The following CDYL2 variants were observed in gnomAD, a reference collection of about 807,000 sequenced individuals.
CDYL2 encodes the protein chromodomain Y like 2.
CDYL2 carries 23 observed loss-of-function variants against 49.4 expected under a neutral mutation model. That is an observed-to-expected ratio of 0.47 (90% CI 0.34 to 0.66). The LOEUF (loss-of-function observed/expected upper bound fraction) is 0.66. Ranked by LOEUF, CDYL2 falls within the 30% of genes least tolerant of loss-of-function variation. The pLI, the probability that CDYL2 is intolerant of heterozygous loss-of-function variation, is 0.01. For missense variants in CDYL2, 678 were observed against 656.4 expected (o/e 1.03, Z -0.36); for synonymous variants, 360 against 268.8 (o/e 1.34, Z -3.32).
chr16:80,623,492 T>G lies in CDYL2; in HGVS notation c.835-2557A>C, dbSNP rs551278461. On this transcript the variant is annotated intron_variant, in intron 3 of 6. Transcript: ENST00000570137. ...CACTTTCAAACCTCACTACTCAAAG[T>G]ATGGTCCTTAGACCAGCAGCTTCAC... Among the ~76,000 whole-genome samples the G allele has an allele frequency of 2.6e-5, 4 of 152,232 alleles. No individual in the cohort carries two copies. In the South Asian group the frequency reaches 8.3e-4, roughly 32 times the overall value.
intron 1 of CDYL2, among the ~76,000 whole-genome samples, chr16:80,743,458 G>A (rs974436055): frequency 6.7e-6 from 1 of 150,126 alleles, no homozygotes; most frequent in Non-Finnish European, 1.5e-5. Flanking sequence ...TGATTCATCA[G>A]CTCTAACAGA....
intron 3 of CDYL2, among the ~76,000 whole-genome samples, chr16:80,629,060 A>G (rs1331316186): frequency 2.0e-5 from 3 of 152,198 alleles, no homozygotes; most frequent in Non-Finnish European, 4.4e-5. Flanking sequence ...GAGGTACAGG[A>G]GGACAGGTAT....
intron 1 of CDYL2, among the ~76,000 whole-genome samples, chr16:80,742,545 G>A (rs1905778295): frequency 1.3e-5 from 2 of 150,174 alleles, no homozygotes; most frequent in South Asian, 2.1e-4. Context: ...TGAAAGAGTA[G>A]GTGGGTTGGG....
intron 1 of CDYL2, among the ~76,000 whole-genome samples, chr16:80,751,066 C>G (rs1313901752): frequency 6.6e-6 from 1 of 152,104 alleles, no homozygotes; most frequent in South Asian, 2.1e-4. Context: ...GTAAAAGCTG[C>G]TCAACTCATT....
At position 80,616,599 on chromosome 16, in the gene CDYL2, G is replaced by A. The variant is rs73590434; in HGVS notation, c.1008-3763C>T. Reference sequence around the variant, plus strand: ...AGCTCAGAGCCAAGTCAGCCAGTACGGGACCAAACAGTGACCACCATCCTG... The same window carrying A: ...AGCTCAGAGCCAAGTCAGCCAGTACAGGACCAAACAGTGACCACCATCCTG... On this transcript the variant is annotated intron_variant, in intron 4 of 6. Coordinates refer to ENST00000570137, the MANE Select transcript of CDYL2 (RefSeq NM_152342.4). Among the ~76,000 whole-genome samples, 622 of 152,256 alleles carry A rather than the reference G, an allele frequency of 4.1e-3. 3 individuals are homozygous for A. The highest frequency in any genetic ancestry group is 0.015 in the African/African-American group (608 of 41,536).
intron 1 of CDYL2, among the ~76,000 whole-genome samples, chr16:80,722,066 T>C (rs1905016886): frequency 1.3e-5 from 2 of 152,082 alleles, no homozygotes; most frequent in South Asian, 4.2e-4. Flanking sequence ...TATAAACAAA[T>C]TAAAATAAAA....
At chr16:80,771,479 G>A (rs1046877756) in intron 1 of CDYL2, among the ~76,000 whole-genome samples, 7 of 152,230 alleles carry the variant, frequency 4.6e-5, no homozygotes, top group Non-Finnish European at 7.3e-5. Flanking sequence ...CGAGGTAGGC[G>A]GATCACTTGT....
At chr16:80,682,500 T>C (rs369423304) in intron 2 of CDYL2, among the ~76,000 whole-genome samples, 58 of 152,168 alleles carry the variant, frequency 3.8e-4, no homozygotes, top group Admixed American at 2.1e-3. Context: ...CCGCAGAAGA[T>C]TGCACAGCAC....
intron 2 of CDYL2, among the ~76,000 whole-genome samples, chr16:80,663,309 G>A (rs1319829572): frequency 6.6e-6 from 1 of 151,350 alleles, no homozygotes; most frequent in Non-Finnish European, 1.5e-5. Flanking sequence ...TTAAATAAAA[G>A]AGAAGACTCA....
At chr16:80,619,335 C>T (rs1464920217) in intron 4 of CDYL2, among the ~76,000 whole-genome samples, 11 of 152,192 alleles carry the variant, frequency 7.2e-5, no homozygotes, top group African/African-American at 1.9e-4. Flanking sequence ...TTGGGGGCCA[C>T]ACTTCAACTC....
intron 6 of CDYL2, 68 bp downstream of exon 6, chr16:80,608,024 C>A (rs896136445): frequency 3.9e-5 from 58 of 1,479,928 alleles, no homozygotes; most frequent in South Asian, 8.1e-5. Flanking sequence ...GCCCTCTGAG[C>A]CTTGCTGTCT....
At chr16:80,788,448 C>T (rs928960393) in intron 1 of CDYL2, among the ~76,000 whole-genome samples, 3 of 152,230 alleles carry the variant, frequency 2.0e-5, no homozygotes, top group African/African-American at 7.2e-5. Context: ...ACAACAGACA[C>T]CTGTTTTTGT....
At chr16:80,800,937 TAAG>T (rs781747010) in intron 1 of CDYL2, among the ~76,000 whole-genome samples, 5 of 152,192 alleles carry the variant, frequency 3.3e-5, no homozygotes, top group Admixed American at 3.3e-4. Flanking sequence ...GTGAATGATT[TAAG>T]AAGAATGGGT....
At chr16:80,792,218 G>C (rs1907632144) in intron 1 of CDYL2, among the ~76,000 whole-genome samples, 1 of 152,134 alleles carries the variant, frequency 6.6e-6, no homozygotes, top group African/African-American at 2.4e-5. Flanking sequence ...CCAGGCAAAT[G>C]TCCAAGACTT....
At chr16:80,783,939 A>G (rs75375667) in intron 1 of CDYL2, among the ~76,000 whole-genome samples, 16,928 of 152,270 alleles carry the variant, frequency 0.11, 1,046 homozygotes, top group African/African-American at 0.17. Flanking sequence ...GGTTTCCGCT[A>G]CATAAAAAAT....
chr16:80,667,784 T>C (rs1029472956), intron 2 of CDYL2, among the ~76,000 whole-genome samples: 2 of 152,214 alleles, frequency 1.3e-5, no homozygotes, highest in East Asian at 1.9e-4. Context: ...CCAGCGAATA[T>C]GTTAAGGGCT....
At chr16:80,800,926 A>G (rs1907906963) in intron 1 of CDYL2, among the ~76,000 whole-genome samples, 1 of 152,234 alleles carries the variant, frequency 6.6e-6, no homozygotes, top group South Asian at 2.1e-4. Context: ...ACTGGAGCCC[A>G]GTGAATGATT....
At chr16:80,712,038 TATGTGTGTATATAG>T (rs1234885352) in intron 1 of CDYL2, among the ~76,000 whole-genome samples, 42 of 144,070 alleles carry the variant, frequency 2.9e-4, no homozygotes, top group East Asian at 7.8e-4. Flanking sequence ...TGTGTATATA[TATGTGTGTATATAG>T]ATGTGTGTGT....
Position 80,603,688 on chromosome 16 carries a change from A to T in CDYL2, c.*700T>A, listed in dbSNP as rs1052289857. 6.6e-6 allele frequency: 1 copy of T among 152,670 alleles called. No homozygotes were observed. Among genetic ancestry groups the T allele is most frequent in the South Asian group, 2.1e-4 (1 of 4,830 alleles). The allele number at this position is 152,670 out of a possible 1,614,324, so 9.5% of individuals were successfully genotyped here. A position where few individuals can be genotyped will look rare whatever the true frequency, so the allele number is the denominator to read the frequency against. On this transcript the variant is annotated 3_prime_UTR_variant, in exon 7 of 7. Coordinates refer to ENST00000570137, the MANE Select transcript of CDYL2 (RefSeq NM_152342.4). ...ATAAATAAATAAAACAAGTCCAAGG[A>T]AAGAAAAAACATTTCCCTAGTAGTT...
Sources: allele counts gnomAD v4.1 joint callset (sites outside exome capture counted in the v4.1 genomes callset), GRCh38; gene constraint gnomAD v4.1.1; transcripts MANE v1.5; gene names NCBI Gene and HGNC (gene_info 2026-07-23, HGNC 2026-07-21).